GRID1: variants seen among roughly 807,000 people sequenced by gnomAD.
The protein encoded by GRID1 is glutamate receptor ionotropic, delta-1.
Under a neutral mutation model 98.0 loss-of-function variants are expected in GRID1, and 28 were observed. The observed-to-expected ratio is 0.29, with a 90% CI of 0.21 to 0.39. The LOEUF (loss-of-function observed/expected upper bound fraction) is 0.39, where lower values mean the gene tolerates loss of function less well. GRID1 is among the 10% of genes least tolerant of loss of function. The pLI, the probability that GRID1 is intolerant of heterozygous loss-of-function variation, is 1.00. For synonymous variants in GRID1, 553 were observed against 538.5 expected (o/e 1.03, Z -0.37); for missense variants, 1,111 against 1,340.5 (o/e 0.83, Z 2.67).
At chr10:85,928,788 G>A (rs1416069041) in intron 4 of GRID1, among the ~76,000 whole-genome samples, 1 of 152,096 alleles carries the variant, frequency 6.6e-6, no homozygotes, top group African/African-American at 2.4e-5. Flanking sequence ...TCATGTTACT[G>A]GAATCAGTTC....
At chr10:85,607,820 TTTTG>T (rs1475782096) in intron 15 of GRID1, among the ~76,000 whole-genome samples, 5 of 150,358 alleles carry the variant, frequency 3.3e-5, no homozygotes, top group African/African-American at 1.2e-4. Flanking sequence ...TTTTTTTTTT[TTTTG>T]TTTGTTTGTT....
chr10:85,903,572 AAT>A (rs199532855), intron 5 of GRID1, among the ~76,000 whole-genome samples: 2 of 151,784 alleles, frequency 1.3e-5, no homozygotes, highest in African/African-American at 2.4e-5. Context: ...GTTTCAAAAA[AAT>A]ATATATATAT....
intron 5 of GRID1, among the ~76,000 whole-genome samples, chr10:85,907,075 G>A (rs772494242): frequency 6.6e-6 from 1 of 152,122 alleles, no homozygotes; most frequent in Non-Finnish European, 1.5e-5. Context: ...GGATGCTAGT[G>A]GGATATTATG....
chr10:86,224,540 G>A (rs1242430017), intron 2 of GRID1, among the ~76,000 whole-genome samples: 3 of 152,118 alleles, frequency 2.0e-5, no homozygotes, highest in African/African-American at 7.2e-5. Context: ...TGGGATGTGG[G>A]GAGCACAAAA....
intron 8 of GRID1, among the ~76,000 whole-genome samples, chr10:85,733,128 T>C (rs1453685957): frequency 6.6e-6 from 1 of 152,202 alleles, no homozygotes; most frequent in Non-Finnish European, 1.5e-5. Context: ...AATGACACAT[T>C]TATCACAACT....
intron 2 of GRID1, among the ~76,000 whole-genome samples, chr10:86,281,848 G>A (rs1418297649): frequency 6.6e-6 from 1 of 152,190 alleles, no homozygotes; most frequent in African/African-American, 2.4e-5. Flanking sequence ...TTGAGACCCT[G>A]GCCTGGGAAG....
chr10:86,072,413 A>C (rs1843817434), intron 4 of GRID1, among the ~76,000 whole-genome samples: 1 of 152,164 alleles, frequency 6.6e-6, no homozygotes, highest in Non-Finnish European at 1.5e-5. Context: ...GGGCCAGTCG[A>C]TGTTTTTTCT....
At chr10:85,975,278 C>A (rs190527753) in intron 4 of GRID1, among the ~76,000 whole-genome samples, 1 of 152,206 alleles carries the variant, frequency 6.6e-6, no homozygotes, top group Non-Finnish European at 1.5e-5. Flanking sequence ...TGAGATTTCT[C>A]GGGACTTTTT....
chr10:85,637,085 C>T (rs1843053336), intron 13 of GRID1, among the ~76,000 whole-genome samples: 1 of 152,060 alleles, frequency 6.6e-6, no homozygotes, highest in South Asian at 2.1e-4. Context: ...AGTTTTACCA[C>T]ATTGTCAGAA....
chr10:85,895,147 CA>C (rs1306669182), intron 5 of GRID1, among the ~76,000 whole-genome samples: 1 of 151,510 alleles, frequency 6.6e-6, no homozygotes, highest in East Asian at 1.9e-4. Context: ...TCCCTGACAT[CA>C]GTTTAATCAA....
intron 4 of GRID1, among the ~76,000 whole-genome samples, chr10:86,099,983 T>G (rs951373280): frequency 6.6e-6 from 1 of 152,162 alleles, no homozygotes; most frequent in African/African-American, 2.4e-5. Context: ...TCCTCAGGGA[T>G]GCTGGTGCAG....
Position 85,999,011 on chromosome 10 carries a change from G to C in GRID1, c.727-82772C>G, listed in dbSNP as rs180716306. 2.6e-3 allele frequency among the ~76,000 whole-genome samples: 396 copies of C among 152,200 alleles called. 2 individuals are homozygous for C. Among genetic ancestry groups the C allele is most frequent in the Middle Eastern group, 0.014 (4 of 294 alleles). On this transcript the variant is annotated intron_variant, in intron 4 of 15. Transcript: ENST00000327946. ...GTGGATCACCTGAGATCGGGAGTTCGAGACCAGTCTGGCCAACATGGCGAA... is the reference window on the plus strand; with the variant it reads ...GTGGATCACCTGAGATCGGGAGTTCCAGACCAGTCTGGCCAACATGGCGAA...
chr10:85,844,507 G>T (rs1186242697), intron 8 of GRID1, among the ~76,000 whole-genome samples: 1 of 151,188 alleles, frequency 6.6e-6, no homozygotes, highest in African/African-American at 2.4e-5. Flanking sequence ...GAGATCCATA[G>T]CTTGTATCAA....
Position 85,735,652 on chromosome 10 carries a change from G to T in GRID1, c.1234-6038C>A, listed in dbSNP as rs1020396994. On this transcript the variant is annotated intron_variant, in intron 8 of 15. Coordinates refer to ENST00000327946, the MANE Select transcript of GRID1 (RefSeq NM_017551.3). ...TTGTGTTCTGTAGACTAGTTATAAA[G>T]GTGTCTTAAAGTGTCATTCTCTTTT... 5.3e-5 allele frequency among the ~76,000 whole-genome samples: 8 copies of T among 152,056 alleles called. No homozygotes were observed. In the East Asian group the frequency reaches 1.5e-3, roughly 29 times the overall value.
At chr10:86,033,568 C>T (rs763741325) in intron 4 of GRID1, among the ~76,000 whole-genome samples, 1 of 152,208 alleles carries the variant, frequency 6.6e-6, no homozygotes, top group Admixed American at 6.5e-5. Context: ...GTCTTGCCTG[C>T]AGAAGTGTGG....
chr10:86,156,274 C>A (rs1364341784), intron 3 of GRID1, among the ~76,000 whole-genome samples: 1 of 152,218 alleles, frequency 6.6e-6, no homozygotes, highest in Non-Finnish European at 1.5e-5. Flanking sequence ...CTGCTCCAAT[C>A]CGATTTTATA....
intron 2 of GRID1, among the ~76,000 whole-genome samples, chr10:86,280,192 C>A (rs1045920883): frequency 6.6e-6 from 1 of 152,108 alleles, no homozygotes; most frequent in African/African-American, 2.4e-5. Flanking sequence ...TAGACCCTGT[C>A]TCTAAAAATA....
chr10:85,607,149 A>G (rs1842679017), intron 15 of GRID1: 1 of 152,250 alleles, frequency 6.6e-6, no homozygotes. Flanking sequence ...TCTTGCAGAG[A>G]TAAAGTTCTG....
At chr10:86,040,555 A>G (rs1431653367) in intron 4 of GRID1, among the ~76,000 whole-genome samples, 1 of 150,778 alleles carries the variant, frequency 6.6e-6, no homozygotes, top group East Asian at 2.0e-4. Context: ...AGTTGAGAGT[A>G]GAATTGTGGT....
Sources: gnomAD v4.1 joint callset for allele counts (sites outside exome capture counted in the v4.1 genomes callset) on GRCh38, gnomAD v4.1.1 for gene constraint, MANE v1.5 for transcripts, NCBI Gene and HGNC (gene_info 2026-07-23, HGNC 2026-07-21) for gene names.